TDRD7: variants seen among roughly 807,000 people sequenced by gnomAD.
The protein encoded by TDRD7 is tudor domain-containing protein 7.
TDRD7 carries 47 observed loss-of-function variants against 109.8 expected under a neutral mutation model. The observed-to-expected ratio is 0.43, with a 90% CI of 0.34 to 0.55. TDRD7 has a LOEUF of 0.55. Among genes scored for constraint, TDRD7 ranks in the 20% least tolerant of loss-of-function variants. TDRD7 has a pLI of 0.03. For synonymous variants in TDRD7, 424 were observed against 457.3 expected, an observed-to-expected ratio of 0.93 and a Z score of 0.93; for missense variants, 1,164 against 1,319.2, an observed-to-expected ratio of 0.88 and a Z score of 1.82.
intron 6 of TDRD7, among the ~76,000 whole-genome samples, chr9:97,444,161 A>G (rs1828359068): frequency 6.6e-6 from 1 of 152,216 alleles, no homozygotes. Flanking sequence ...TGCTTTTTAT[A>G]GCACTTGAAT....
chr9:97,419,956 A>G (rs1216345039), intron 1 of TDRD7, among the ~76,000 whole-genome samples: 1 of 152,164 alleles, frequency 6.6e-6, no homozygotes, highest in Non-Finnish European at 1.5e-5. Context: ...CACATCTATA[A>G]GTTGAGGATA....
rs200558274 is a variant in TDRD7, at chr9:97,460,341, A to C, written c.1019A>C (p.Asp340Ala). 6.2e-7 allele frequency: 1 copy of C among 1,614,172 alleles called. No individual in the cohort carries two copies. The highest frequency in any genetic ancestry group is 2.2e-5 in the East Asian group (1 of 44,860). The part of the protein sequence containing the change: ...LKGCPTVMAG[D>A]FKEKVADLLV... ...GGGTGTCCAACAGTTATGGCAGGAG[A>C]CTTTAAAGAAAAAGTGGCAGACCTG... Residue 340 changes from aspartate (D) to alanine (A), a missense_variant, in exon 7 of 17, where the codon GAC becomes GCC. By Grantham distance (126) the Asp-to-Ala change is moderately radical. Transcript: ENST00000355295.
chr9:97,488,165 C>G (rs1211990513), intron 16 of TDRD7, among the ~76,000 whole-genome samples: 1 of 152,202 alleles, frequency 6.6e-6, no homozygotes, highest in Non-Finnish European at 1.5e-5. Context: ...CATTATGTAG[C>G]ATGAACAGCT....
intron 6 of TDRD7, among the ~76,000 whole-genome samples, chr9:97,448,296 G>T (rs1828434624): frequency 6.6e-6 from 1 of 152,218 alleles, no homozygotes; most frequent in Non-Finnish European, 1.5e-5. Context: ...GATGGGTTTA[G>T]CTCCTGCATA....
intron 1 of TDRD7, among the ~76,000 whole-genome samples, chr9:97,427,496 C>A (rs1045389603): frequency 1.3e-5 from 2 of 152,102 alleles, no homozygotes; most frequent in Non-Finnish European, 2.9e-5. Flanking sequence ...AGTCAAAGAC[C>A]AACAAATCTG....
At chr9:97,494,708 ATATATTT>A (rs1269318797) in intron 16 of TDRD7, among the ~76,000 whole-genome samples, 2,452 of 98,224 alleles carry the variant, frequency 0.025, 82 homozygotes, top group African/African-American at 0.08. Context: ...ATATATATAT[ATATATTT>A]TTTTTTTTTT....
intron 8 of TDRD7, among the ~76,000 whole-genome samples, chr9:97,469,385 G>A (rs150162072): frequency 6.6e-6 from 1 of 152,346 alleles, no homozygotes; most frequent in East Asian, 1.9e-4. Flanking sequence ...CTGATACAAG[G>A]TAGACAGGCC....
chr9:97,487,791 G>A (rs777081795), intron 16 of TDRD7, among the ~76,000 whole-genome samples: 8 of 151,948 alleles, frequency 5.3e-5, no homozygotes, highest in South Asian at 2.1e-4. Flanking sequence ...TAGCTAAAAC[G>A]AACCAAAAAA....
At chr9:97,419,926 C>T (rs913513832) in intron 1 of TDRD7, among the ~76,000 whole-genome samples, 2 of 152,082 alleles carry the variant, frequency 1.3e-5, no homozygotes, top group Non-Finnish European at 1.5e-5. Context: ...AAGTATTTAA[C>T]TTATCTGAAC....
At chr9:97,425,044 A>G (rs1467314908) in intron 1 of TDRD7, among the ~76,000 whole-genome samples, 1 of 152,106 alleles carries the variant, frequency 6.6e-6, no homozygotes, top group African/African-American at 2.4e-5. Flanking sequence ...GTGTAGTGTA[A>G]GAACCTTCCA....
At chr9:97,460,068 T>C (rs1828682807) in intron 6 of TDRD7, 110 bp from the exon 7 acceptor site, 1 of 934,196 alleles carries the variant, frequency 1.1e-6, no homozygotes, top group Non-Finnish European at 1.7e-6. Flanking sequence ...AATCGTACAC[T>C]TGATTAATTT....
chr9:97,416,849 G>A (rs1827820224), intron 1 of TDRD7, among the ~76,000 whole-genome samples: 1 of 143,792 alleles, frequency 7.0e-6, no homozygotes, highest in Non-Finnish European at 1.5e-5. Flanking sequence ...CGGTGGGCTA[G>A]GCACTAGGGA....
In TDRD7 at chr9:97,430,914, C is replaced by T; in HGVS notation, c.208-19C>T. On this transcript the variant is annotated intron_variant, in intron 2 of 16. Coordinates refer to ENST00000355295, the MANE Select transcript of TDRD7 (RefSeq NM_014290.3). ...AATCTGAGAAATGTTTCTCCTCTTACCCTGCCTCTAATGAATAGATTACCT... is the reference window on the plus strand; with the variant it reads ...AATCTGAGAAATGTTTCTCCTCTTATCCTGCCTCTAATGAATAGATTACCT... The T allele has an allele frequency of 1.2e-6, 2 of 1,613,618 alleles. No individual in the cohort carries two copies. Among genetic ancestry groups the T allele is most frequent in the Non-Finnish European group, 1.7e-6 (2 of 1,179,684 alleles).
Position 97,460,815 on chromosome 9 carries a change from G to T in TDRD7, c.1442+51G>T, listed in dbSNP as rs138152263. 2.8e-3 allele frequency: 4,295 copies of T among 1,522,566 alleles called. 9 individuals are homozygous for T. Among genetic ancestry groups the T allele is most frequent in the Non-Finnish European group, 3.5e-3 (3,866 of 1,099,964 alleles). The allele number at this position is 1,522,566 out of a possible 1,614,324, so 94.3% of individuals were successfully genotyped here. A position where few individuals can be genotyped will look rare whatever the true frequency, so the allele number is the denominator to read the frequency against. On this transcript the variant is annotated intron_variant, in intron 7 of 16. Coordinates refer to ENST00000355295, the MANE Select transcript of TDRD7 (RefSeq NM_014290.3). ...GGATTCTGATATACTTTTGTCACTT[G>T]TCTATTCTTCACATGGATGTTGAGG...
Position 97,432,081 on chromosome 9 carries a change from A to G in TDRD7, c.406A>G (p.Lys136Glu). The change falls in exon 4 of 17, where the codon AAA (lysine) becomes GAA (glutamate). Residue 136 changes from lysine to glutamate, a missense_variant. This residue lies in a region of TDRD7 where 407 missense variants were observed against 394.0 expected (regional missense o/e 1.03). Coordinates refer to ENST00000355295, the MANE Select transcript of TDRD7 (RefSeq NM_014290.3). ...ATTTGCTTCAAATTTTTCTGTTGGC[A>G]AAAAACCTAATCCAGCACCGTTAAG... is the stretch of plus-strand genomic sequence containing the variant. ...PGFASNFSVG[K>E]KPNPAPLRDK... is the part of the protein sequence containing the mutation. 6.2e-7 allele frequency: 1 copy of G among 1,613,898 alleles called. No individual in the cohort carries two copies. The highest frequency in any genetic ancestry group is 2.2e-5 in the East Asian group (1 of 44,878).
chr9:97,485,578 A>T (rs964720180), intron 15 of TDRD7, among the ~76,000 whole-genome samples: 1 of 152,158 alleles, frequency 6.6e-6, no homozygotes, highest in Non-Finnish European at 1.5e-5. Flanking sequence ...CAAATTAGCA[A>T]CCTACACCGA....
chr9:97,421,002 G>A (rs1159083433), intron 1 of TDRD7, among the ~76,000 whole-genome samples: 1 of 152,072 alleles, frequency 6.6e-6, no homozygotes, highest in African/African-American at 2.4e-5. Flanking sequence ...GGGCGAGGTG[G>A]TGTGTGCCTG....
chr9:97,450,906 C>CTT (rs760367112), intron 6 of TDRD7, among the ~76,000 whole-genome samples: 2 of 141,726 alleles, frequency 1.4e-5, no homozygotes, highest in Non-Finnish European at 3.1e-5. Flanking sequence ...AGTTAGGTCT[C>CTT]TTTTTTTTTT....
intron 7 of TDRD7, among the ~76,000 whole-genome samples, chr9:97,462,941 C>T (rs1828751749): frequency 6.6e-6 from 1 of 152,238 alleles, no homozygotes; most frequent in Non-Finnish European, 1.5e-5. Flanking sequence ...GGGCTGCAGC[C>T]CAGGCCTCTG....
Sources: allele counts gnomAD v4.1 joint callset (sites outside exome capture counted in the v4.1 genomes callset), GRCh38; gene constraint gnomAD v4.1.1; regional missense constraint gnomAD v4.1.1; transcripts MANE v1.5; gene names NCBI Gene and HGNC (gene_info 2026-07-23, HGNC 2026-07-21).